The following KLHL1 variants were observed in gnomAD, a reference collection of about 807,000 sequenced individuals.
The protein encoded by KLHL1 is kelch-like protein 1.
KLHL1 carries 47 observed loss-of-function variants against 77.7 expected under a neutral mutation model. The observed-to-expected ratio is 0.60, with a 90% CI of 0.48 to 0.77. The LOEUF (loss-of-function observed/expected upper bound fraction) is 0.77, where lower values mean the gene tolerates loss of function less well. Among genes scored for constraint, KLHL1 ranks in the 30% least tolerant of loss-of-function variants. The pLI is 0.00. For missense variants in KLHL1, 925 were observed against 910.8 expected, an observed-to-expected ratio of 1.02 and a Z score of -0.20; for synonymous variants, 360 against 325.2, an observed-to-expected ratio of 1.11 and a Z score of -1.15.
chr13:70,095,126 G>C (rs575793813), intron 1 of KLHL1, among the ~76,000 whole-genome samples: 1 of 152,146 alleles, frequency 6.6e-6, no homozygotes, highest in African/African-American at 2.4e-5. Context: ...ACTGGGTATT[G>C]CTTCAGTCAT....
intron 1 of KLHL1, among the ~76,000 whole-genome samples, chr13:70,080,116 AG>A (rs1421732831): frequency 6.6e-6 from 1 of 152,154 alleles, no homozygotes; most frequent in Non-Finnish European, 1.5e-5. Flanking sequence ...CATGCAGCCT[AG>A]TGTAAGAATC....
intron 1 of KLHL1, among the ~76,000 whole-genome samples, chr13:70,075,325 T>C (rs2137422978): frequency 6.6e-6 from 1 of 151,124 alleles, no homozygotes; most frequent in African/African-American, 2.4e-5. Context: ...TAAAAATTTG[T>C]CTGGAAAAAA....
At chr13:69,873,439 T>A (rs879176270) in intron 5 of KLHL1, among the ~76,000 whole-genome samples, 1 of 152,224 alleles carries the variant, frequency 6.6e-6, no homozygotes, top group Admixed American at 6.5e-5. Flanking sequence ...TTTATAAATT[T>A]ATCTGAGTGA....
intron 9 of KLHL1, among the ~76,000 whole-genome samples, chr13:69,716,838 A>C (rs1162788013): frequency 6.6e-6 from 1 of 152,196 alleles, no homozygotes; most frequent in Admixed American, 6.6e-5. Flanking sequence ...CTGACTAAAT[A>C]GGTAAATGAA....
At chr13:69,989,273 T>C (rs1884959612) in intron 1 of KLHL1, among the ~76,000 whole-genome samples, 1 of 152,054 alleles carries the variant, frequency 6.6e-6, no homozygotes, top group Admixed American at 6.6e-5. Flanking sequence ...GTTGTAGGTA[T>C]GTGGCTTTAT....
At chr13:69,893,798 C>A (rs1881526158) in intron 4 of KLHL1, among the ~76,000 whole-genome samples, 1 of 152,242 alleles carries the variant, frequency 6.6e-6, no homozygotes, top group East Asian at 1.9e-4. Flanking sequence ...TTTATTATTT[C>A]TTCAAGCATT....
intron 4 of KLHL1, among the ~76,000 whole-genome samples, chr13:69,913,838 A>T (rs1400854335): frequency 6.6e-6 from 1 of 152,026 alleles, no homozygotes; most frequent in African/African-American, 2.4e-5. Context: ...GCTTGATTAG[A>T]TTGAAGGATG....
At chr13:69,817,617 C>A (rs1424316) in intron 6 of KLHL1, among the ~76,000 whole-genome samples, 5,127 of 152,248 alleles carry the variant, frequency 0.034, 309 homozygotes, top group African/African-American at 0.12. Flanking sequence ...GAGACTATTT[C>A]TCTTTTCCAG....
At chr13:69,992,376 A>G (rs1188084572) in intron 1 of KLHL1, among the ~76,000 whole-genome samples, 1 of 151,968 alleles carries the variant, frequency 6.6e-6, no homozygotes, top group Non-Finnish European at 1.5e-5. Context: ...GAACTAACTG[A>G]TAAGTGCTGA....
At chr13:69,970,491 G>T (rs1357472993) in intron 2 of KLHL1, among the ~76,000 whole-genome samples, 5 of 151,958 alleles carry the variant, frequency 3.3e-5, no homozygotes, top group Admixed American at 3.3e-4. Context: ...ATGTCCCAGG[G>T]GCAGTGATGT....
At chr13:69,856,830 C>G (rs900340330) in intron 5 of KLHL1, among the ~76,000 whole-genome samples, 3 of 152,024 alleles carry the variant, frequency 2.0e-5, no homozygotes, top group Non-Finnish European at 2.9e-5. Context: ...TTGCTACTTT[C>G]ATTTCAAGAT....
At chr13:70,064,770 C>T (rs954998731) in intron 1 of KLHL1, among the ~76,000 whole-genome samples, 10 of 152,226 alleles carry the variant, frequency 6.6e-5, no homozygotes, top group African/African-American at 2.4e-4. Flanking sequence ...TGGCGATCCA[C>T]GACTAAGGAC....
intron 4 of KLHL1, among the ~76,000 whole-genome samples, chr13:69,901,091 A>G (rs1358551442): frequency 2.0e-5 from 3 of 152,218 alleles, no homozygotes; most frequent in African/African-American, 7.2e-5. Flanking sequence ...TCATATTTAC[A>G]TTTGTAAGAC....
intron 10 of KLHL1, among the ~76,000 whole-genome samples, chr13:69,702,547 A>C (rs1446799239): frequency 1.3e-5 from 2 of 151,676 alleles, no homozygotes; most frequent in African/African-American, 4.8e-5. Flanking sequence ...AGTGTATAAA[A>C]TGTAAGAAAT....
rs1255968391 is a variant in KLHL1, at chr13:70,040,824, C to A, written c.498-65022G>T. On this transcript the variant is annotated intron_variant, in intron 1 of 10. Coordinates refer to ENST00000377844, the MANE Select transcript of KLHL1 (RefSeq NM_020866.3). ...TTATTTGTTGGAAAACTTTTTAAGT[C>A]TTACCCCCATTTTCACCAATTTATG... Among the ~76,000 whole-genome samples, 11 of 152,054 alleles carry A rather than the reference C, an allele frequency of 7.2e-5. No individual in the cohort carries two copies. In the South Asian group the frequency reaches 1.2e-3, roughly 17 times the overall value.
chr13:69,737,083 A>G (rs1016416062), intron 8 of KLHL1, among the ~76,000 whole-genome samples: 19 of 152,316 alleles, frequency 1.2e-4, no homozygotes, highest in East Asian at 7.8e-4. Context: ...GGAGATGTAC[A>G]GGGCACTGGG....
intron 1 of KLHL1, among the ~76,000 whole-genome samples, chr13:70,079,302 T>C (rs1887337311): frequency 6.6e-6 from 1 of 152,062 alleles, no homozygotes. Flanking sequence ...TGAATCAAAA[T>C]CTCCCAGCAT....
At chr13:70,058,465 A>G (rs1886800314) in intron 1 of KLHL1, among the ~76,000 whole-genome samples, 1 of 152,200 alleles carries the variant, frequency 6.6e-6, no homozygotes, top group Admixed American at 6.5e-5. Context: ...TAAAAATACT[A>G]ATCCCACATA....
Position 70,107,385 on chromosome 13 carries a change from T to G in KLHL1, c.315A>C (p.Gln105His), listed in dbSNP as rs554961560. Residue 105 changes from glutamine (Q) to histidine (H), a missense_variant, in exon 1 of 11, where the codon CAA becomes CAC. Physicochemically the swap from Gln to His is conservative, Grantham distance 24. Coordinates refer to ENST00000377844, the MANE Select transcript of KLHL1 (RefSeq NM_020866.3). ...GCTGAGTGCCCTGCCCAGGAGCCCC[T>G]TGCTGCAGCCTCGTGGCAACTGGAA... is the stretch of plus-strand genomic sequence containing the variant. ...TLLPVATRLQ[Q>H]GAPGQGTQQP... 13 of 1,614,020 alleles carry G rather than the reference T, an allele frequency of 8.1e-6. No homozygotes were observed. In the African/African-American group the frequency reaches 1.5e-4, roughly 18 times the overall value.
Sources: gnomAD v4.1 joint callset for allele counts (sites outside exome capture counted in the v4.1 genomes callset) on GRCh38, gnomAD v4.1.1 for gene constraint, MANE v1.5 for transcripts, NCBI Gene and HGNC (gene_info 2026-07-23, HGNC 2026-07-21) for gene names.